Variants in CNOT9 observed in about 807,000 individuals in gnomAD.
The protein encoded by CNOT9 is CCR4-NOT transcription complex subunit 9.
In CNOT9, 8 loss-of-function variants were observed where a neutral mutation model predicts 37.4. That is an observed-to-expected ratio of 0.21 (90% CI 0.13 to 0.39). The LOEUF is 0.39. Ranked by LOEUF, CNOT9 falls within the 10% of genes least tolerant of loss-of-function variation. The pLI is 1.00. For synonymous variants in CNOT9, 120 were observed against 137.6 expected, an observed-to-expected ratio of 0.87 and a Z score of 0.90; for missense variants, 154 against 365.3, an observed-to-expected ratio of 0.42 and a Z score of 4.71.
intron 2 of CNOT9, among the ~76,000 whole-genome samples, chr2:218,582,527 A>C (rs1228999062): frequency 4.6e-5 from 7 of 152,230 alleles, no homozygotes; most frequent in Non-Finnish European, 1.5e-5. Flanking sequence ...CATCTCTACT[A>C]AAAATACAAA....
intron 1 of CNOT9, among the ~76,000 whole-genome samples, chr2:218,570,932 C>G (rs554172241): frequency 6.6e-6 from 1 of 152,320 alleles, no homozygotes; most frequent in African/African-American, 2.4e-5. Flanking sequence ...CAAATTCCTT[C>G]GTACCACTCA....
intron 1 of CNOT9, among the ~76,000 whole-genome samples, chr2:218,569,754 C>T (rs1693906988): frequency 6.6e-6 from 1 of 152,196 alleles, no homozygotes; most frequent in South Asian, 2.1e-4. Context: ...GTCTCTATGC[C>T]TGGAGTGAAT....
intron 4 of CNOT9, among the ~76,000 whole-genome samples, chr2:218,586,197 G>T (rs929693481): frequency 2.0e-5 from 3 of 152,168 alleles, no homozygotes; most frequent in Non-Finnish European, 1.5e-5. Flanking sequence ...TTAGAAATTG[G>T]CAGGCTGACT....
chr2:218,583,187 G>T, intron 3 of CNOT9, 101 bp downstream of exon 3: 1 of 690,090 alleles, frequency 1.4e-6, no homozygotes, highest in Middle Eastern at 2.4e-4. Flanking sequence ...GAGAGAGAGA[G>T]AACGTTTGTG....
At chr2:218,584,548 T>C (rs891501460) in intron 3 of CNOT9, 64 bp from the exon 4 acceptor site, 3 of 1,200,630 alleles carry the variant, frequency 2.5e-6, no homozygotes, top group African/African-American at 3.0e-5. Context: ...ACCTAGAAAT[T>C]TGAAAGTTCA....
chr2:218,573,080 G>A (rs925218626), intron 1 of CNOT9, among the ~76,000 whole-genome samples: 1 of 152,182 alleles, frequency 6.6e-6, no homozygotes, highest in Non-Finnish European at 1.5e-5. Flanking sequence ...AGCACTTTGG[G>A]AGGCTGAGGC....
chr2:218,579,076 G>C (rs867959997), intron 1 of CNOT9, among the ~76,000 whole-genome samples: 1 of 152,112 alleles, frequency 6.6e-6, no homozygotes, highest in Admixed American at 6.6e-5. Flanking sequence ...CAGAATCACT[G>C]GGGAGGGACC....
intron 5 of CNOT9, among the ~76,000 whole-genome samples, chr2:218,587,933 A>C (rs1694644686): frequency 1.3e-5 from 2 of 152,296 alleles, no homozygotes; most frequent in East Asian, 3.9e-4. Flanking sequence ...TTCTAAGTAT[A>C]TTATTACGGT....
At chr2:218,572,775 A>C in intron 1 of CNOT9, 3 of 746,838 alleles carry the variant, frequency 4.0e-6, no homozygotes, top group Non-Finnish European at 4.9e-6. Context: ...TCCACTGACA[A>C]TTCTAGCATC....
chr2:218,580,784 A>T (rs757937760), intron 2 of CNOT9, 44 bp downstream of exon 2: 8 of 1,534,336 alleles, frequency 5.2e-6, no homozygotes, highest in Non-Finnish European at 6.3e-6. Flanking sequence ...TTTTCATTAC[A>T]CTTGTATATT....
chr2:218,586,334 G>A (rs532558151), intron 4 of CNOT9, among the ~76,000 whole-genome samples: 2 of 152,280 alleles, frequency 1.3e-5, no homozygotes, highest in Non-Finnish European at 2.9e-5. Context: ...GCCCTCATGA[G>A]GTTAGTATTC....
intron 1 of CNOT9, among the ~76,000 whole-genome samples, chr2:218,571,645 C>T (rs1693995364): frequency 6.7e-6 from 1 of 150,296 alleles, no homozygotes. Flanking sequence ...GATCTCAGCT[C>T]ACAGCAATCT....
intron 1 of CNOT9, chr2:218,572,667 A>G (rs1000552143): frequency 4.2e-5 from 41 of 984,964 alleles, no homozygotes; most frequent in Non-Finnish European, 4.9e-5. Flanking sequence ...TGCATGCCAT[A>G]GGTATTCTGT....
At chr2:218,569,845 A>C (rs1444795661) in intron 1 of CNOT9, among the ~76,000 whole-genome samples, 2 of 152,100 alleles carry the variant, frequency 1.3e-5, no homozygotes, top group East Asian at 1.9e-4. Context: ...TCCTCTCCTT[A>C]AACTGTTTAT....
intron 5 of CNOT9, among the ~76,000 whole-genome samples, chr2:218,588,287 C>CTTTTTTTTTT (rs539751873): frequency 1.4e-5 from 2 of 141,544 alleles, no homozygotes; most frequent in African/African-American, 2.6e-5. Flanking sequence ...AATCATATAT[C>CTTTTTTTTTT]TTTTTTTTTT....
intron 1 of CNOT9, among the ~76,000 whole-genome samples, chr2:218,575,133 G>A (rs1249371508): frequency 6.6e-6 from 1 of 152,126 alleles, no homozygotes; most frequent in East Asian, 1.9e-4. Context: ...ATTCTAGAAA[G>A]AGCAAAACTG....
chr2:218,585,642 T>A (rs1262103892), intron 4 of CNOT9, among the ~76,000 whole-genome samples: 7 of 132,522 alleles, frequency 5.3e-5, no homozygotes, highest in African/African-American at 2.7e-4. Context: ...TATTTTATTT[T>A]TTTTTTTTTT....
In CNOT9 at chr2:218,569,720, T is replaced by C. The variant is rs1352127558; in HGVS notation, c.24+742T>C. Among the ~76,000 whole-genome samples the C allele has an allele frequency of 2.6e-5, 4 of 152,218 alleles. No homozygotes were observed. In the East Asian group the frequency reaches 7.7e-4, roughly 29 times the overall value. On this transcript the variant is annotated intron_variant, in intron 1 of 7. Transcript: ENST00000273064. ...CACCTAACCCTCTGCAACGCGCTTATTTTTCTCCAAGATGCACTTTGTGGT... is the reference window on the plus strand; with the variant it reads ...CACCTAACCCTCTGCAACGCGCTTACTTTTCTCCAAGATGCACTTTGTGGT...
Position 218,584,630 on chromosome 2 carries a change from A to C in CNOT9, c.339A>C (p.Ala113=). The C allele has an allele frequency of 1.9e-6, 3 of 1,613,756 alleles. No homozygotes were observed. The highest frequency in any genetic ancestry group is 3.3e-5 in the Admixed American group (2 of 60,014). Residue 113 remains alanine (A), a synonymous_variant, in exon 4 of 8, where the codon GCA becomes GCC. Transcript: ENST00000273064. ...CTTCCAGGTCAGCGTTTCTCGCAGC[A>C]CACATCCCACTTTTTTTGTACCCCT... ...HPETRSAFLA[A]HIPLFLYPFL... is the part of the protein sequence containing the mutation.
Sources: gnomAD v4.1 joint callset for allele counts (sites outside exome capture counted in the v4.1 genomes callset) on GRCh38, gnomAD v4.1.1 for gene constraint, MANE v1.5 for transcripts, NCBI Gene and HGNC (gene_info 2026-07-23, HGNC 2026-07-21) for gene names.